The following STPG2 variants were observed in gnomAD, a reference collection of about 807,000 sequenced individuals.
The protein encoded by STPG2 is sperm-tail PG-rich repeat-containing protein 2.
A neutral mutation model predicts 54.2 loss-of-function variants in STPG2; 56 were observed. The ratio of observed to expected loss-of-function variants is 1.03; its 90% CI spans 0.83 to 1.29. The LOEUF is 1.29. Ranked by LOEUF, STPG2 falls within the 50% of genes most tolerant of loss-of-function variation. The pLI is 0.00. For synonymous variants in STPG2, 200 were observed against 181.8 expected (o/e 1.10, Z -0.81); for missense variants, 596 against 544.9 (o/e 1.09, Z -0.93).
At chr4:97,487,789 A>T (rs1295591337) in intron 4 of STPG2, among the ~76,000 whole-genome samples, 1 of 151,568 alleles carries the variant, frequency 6.6e-6, no homozygotes, top group African/African-American at 2.4e-5. Context: ...TTAATGGTAC[A>T]TAAAAACACA....
At chr4:97,969,451 C>A (rs1458610960) in intron 7 of STPG2, among the ~76,000 whole-genome samples, 1 of 152,116 alleles carries the variant, frequency 6.6e-6, no homozygotes, top group Non-Finnish European at 1.5e-5. Context: ...CAAATGCTGG[C>A]ATATCCAGTG....
Position 97,463,944 on chromosome 4 carries a change from G to A in STPG2, c.462+248755C>T, listed in dbSNP as rs114613703. On this transcript the variant is annotated intron_variant, in intron 4 of 4. Transcript: ENST00000522676. ...TCAGGTCTTTGTGTGGCTTTATACC[G>A]CACTCCTTTCTATTGCTGTATAGTA... Among the ~76,000 whole-genome samples, 549 of 152,072 alleles carry A rather than the reference G, an allele frequency of 3.6e-3. 5 individuals carry two copies. Among genetic ancestry groups the A allele is most frequent in the African/African-American group, 0.01 (415 of 41,464 alleles).
chr4:97,903,710 G>A (rs1018966700), intron 8 of STPG2, among the ~76,000 whole-genome samples: 4 of 152,196 alleles, frequency 2.6e-5, no homozygotes, highest in Non-Finnish European at 5.9e-5. Context: ...ACTAGGGAGT[G>A]CCAGACAGTG....
intron 10 of STPG2, among the ~76,000 whole-genome samples, chr4:97,560,748 T>C (rs958078579): frequency 6.6e-6 from 1 of 152,042 alleles, no homozygotes; most frequent in African/African-American, 2.4e-5. Flanking sequence ...CAGTACAACA[T>C]AGTAAAGAAG....
chr4:97,955,934 T>C (rs1329565590), intron 7 of STPG2, among the ~76,000 whole-genome samples: 1 of 152,066 alleles, frequency 6.6e-6, no homozygotes, highest in African/African-American at 2.4e-5. Flanking sequence ...ACAAAAACTG[T>C]AATAATTCAG....
rs550493513 is a variant in STPG2, at chr4:98,023,048, TGTTACTG to T, written c.613-41737_613-41731del. ...AGTCACTCTCCATCCAGCTTTGTTCTGTTACTGGTGAGGAACTGCATTCCTTTGGAGG... is the reference window on the plus strand; with the variant it reads ...AGTCACTCTCCATCCAGCTTTGTTCTGTGAGGAACTGCATTCCTTTGGAGG... On this transcript the variant is annotated intron_variant, in intron 5 of 10. Coordinates refer to ENST00000295268, the MANE Select transcript of STPG2 (RefSeq NM_174952.3). Among the ~76,000 whole-genome samples the T allele has an allele frequency of 1.7e-3, 259 of 152,352 alleles. 1 individual carries two copies. Among genetic ancestry groups the T allele is most frequent in the African/African-American group, 6.1e-3 (254 of 41,582 alleles).
chr4:97,571,495 C>A (rs1285774532), intron 10 of STPG2, among the ~76,000 whole-genome samples: 2 of 152,122 alleles, frequency 1.3e-5, no homozygotes. Flanking sequence ...AGCCTGCCAG[C>A]TAAAAGTTTC....
At position 97,486,202 on chromosome 4, in the gene STPG2, T is replaced by A. The variant is rs147286273; in HGVS notation, c.462+226497A>T. On this transcript the variant is annotated intron_variant, in intron 4 of 4. Coordinates refer to the STPG2 transcript ENST00000522676. Reference sequence around the variant, plus strand: ...CTTAATTAAACTAAAGAGCTTTTGCTTGGCAAAAGGAACAGTCACCAGAGT... The same window carrying A: ...CTTAATTAAACTAAAGAGCTTTTGCATGGCAAAAGGAACAGTCACCAGAGT... 6.0e-3 allele frequency among the ~76,000 whole-genome samples: 910 copies of A among 151,824 alleles called. 5 individuals carry two copies. The highest frequency in any genetic ancestry group is 0.02 in the South Asian group (98 of 4,826).
chr4:97,843,791 T>G (rs1194033312), intron 8 of STPG2, among the ~76,000 whole-genome samples: 1 of 151,876 alleles, frequency 6.6e-6, no homozygotes, highest in Non-Finnish European at 1.5e-5. Context: ...CTTTGTGATT[T>G]TATTCATTTC....
chr4:97,766,858 T>G (rs1726069658), intron 9 of STPG2, among the ~76,000 whole-genome samples: 1 of 152,036 alleles, frequency 6.6e-6, no homozygotes, highest in Non-Finnish European at 1.5e-5. Context: ...TAATTTTTAG[T>G]TATTGTAACA....
chr4:97,771,385 C>G lies in STPG2; in HGVS notation c.1205-58571G>C, dbSNP rs528567864. ...GAAGGACAAACTTGGAAGGGGGACT[C>G]TCCTTCCTAAGGTTGGGGTTCAGAC... On this transcript the variant is annotated intron_variant, in intron 9 of 10. Coordinates refer to ENST00000295268, the MANE Select transcript of STPG2 (RefSeq NM_174952.3). Among the ~76,000 whole-genome samples, 5 of 152,256 alleles carry G rather than the reference C, an allele frequency of 3.3e-5. No homozygotes were observed. In the East Asian group the frequency reaches 9.7e-4, roughly 30 times the overall value.
intron 8 of STPG2, among the ~76,000 whole-genome samples, chr4:97,933,783 A>T (rs1225667368): frequency 2.6e-5 from 4 of 152,176 alleles, no homozygotes; most frequent in African/African-American, 9.7e-5. Flanking sequence ...GTGTGGTTTG[A>T]AGGCAGGCAG....
At chr4:97,626,219 G>A (rs552524792) in intron 10 of STPG2, among the ~76,000 whole-genome samples, 1 of 152,100 alleles carries the variant, frequency 6.6e-6, no homozygotes, top group South Asian at 2.1e-4. Flanking sequence ...TGAGTACATT[G>A]ACCCAGATAT....
At chr4:97,921,073 A>G (rs1345527534) in intron 8 of STPG2, among the ~76,000 whole-genome samples, 1 of 152,210 alleles carries the variant, frequency 6.6e-6, no homozygotes, top group African/African-American at 2.4e-5. Flanking sequence ...TAAAAGATGC[A>G]TTGAGGTTAG....
rs538830519 is a variant in STPG2 at position 98,118,730 on chromosome 4, T to C, written c.388-9425A>G. Reference sequence around the variant, plus strand: ...TGATTGCAAGGCTCAGGCAAGCAAATGAATAAAATGAACCTGGAATATCTT... The same window carrying C: ...TGATTGCAAGGCTCAGGCAAGCAAACGAATAAAATGAACCTGGAATATCTT... On this transcript the variant is annotated intron_variant, in intron 3 of 10. Coordinates refer to ENST00000295268, the MANE Select transcript of STPG2 (RefSeq NM_174952.3). 3.3e-5 allele frequency among the ~76,000 whole-genome samples: 5 copies of C among 152,138 alleles called. No homozygotes were observed. In the East Asian group the frequency reaches 9.7e-4, roughly 29 times the overall value.
chr4:98,083,021 C>T (rs1738398392), intron 5 of STPG2, among the ~76,000 whole-genome samples: 1 of 152,004 alleles, frequency 6.6e-6, no homozygotes, highest in Non-Finnish European at 1.5e-5. Flanking sequence ...TACATAAAAC[C>T]CTTTATTGTC....
intron 10 of STPG2, among the ~76,000 whole-genome samples, chr4:97,680,784 A>C (rs75649241): frequency 0.02 from 2,606 of 131,736 alleles, 66 homozygotes; most frequent in African/African-American, 0.07. Flanking sequence ...TTATCAGAAA[A>C]GGTAAATTTT....
chr4:97,566,440 CCA>C (rs1363220501), intron 10 of STPG2, among the ~76,000 whole-genome samples: 1 of 152,160 alleles, frequency 6.6e-6, no homozygotes, highest in Non-Finnish European at 1.5e-5. Context: ...CGTGCTGCAC[CCA>C]CTGTCCTGCG....
chr4:97,552,586 G>A (rs1731988791), intron 4 of STPG2, among the ~76,000 whole-genome samples: 2 of 151,942 alleles, frequency 1.3e-5, no homozygotes, highest in African/African-American at 4.8e-5. Flanking sequence ...TTCAGAAAAG[G>A]TAAGCCTAAA....
Sources: allele counts gnomAD v4.1 joint callset (sites outside exome capture counted in the v4.1 genomes callset), GRCh38; gene constraint gnomAD v4.1.1; transcripts MANE v1.5; gene names NCBI Gene and HGNC (gene_info 2026-07-23, HGNC 2026-07-21).